Variants in ANAPC4 observed in about 807,000 individuals in gnomAD.
The protein encoded by ANAPC4 is anaphase-promoting complex subunit 4.
In ANAPC4, 63 loss-of-function variants were observed where a neutral mutation model predicts 119.8. The observed-to-expected ratio is 0.53, with a 90% CI of 0.43 to 0.65. The LOEUF (loss-of-function observed/expected upper bound fraction) is 0.65. Among genes scored for constraint, ANAPC4 ranks in the 30% least tolerant of loss-of-function variants. The pLI is 0.00. For missense variants in ANAPC4, 716 were observed against 945.1 expected (o/e 0.76, Z 3.18); for synonymous variants, 283 against 318.6 (o/e 0.89, Z 1.19).
Position 25,418,452 on chromosome 4 carries a change from AC to A in ANAPC4, c.*72del. Reference sequence around the variant, plus strand: ...TAGGAGATGGACTAAGATGTCTTGGACCACCTTTGTGTAACAAAGAAATAAA... The same window carrying A: ...TAGGAGATGGACTAAGATGTCTTGGACACCTTTGTGTAACAAAGAAATAAA... On this transcript the variant is annotated 3_prime_UTR_variant, in exon 29 of 29. Transcript: ENST00000315368. 7.6e-7 allele frequency: 1 copy of A among 1,308,738 alleles called. No individual in the cohort carries two copies. The highest frequency in any genetic ancestry group is 1.1e-6 in the Non-Finnish European group (1 of 928,624). The allele number at this position is 1,308,738 out of a possible 1,614,324, so 81.1% of individuals were successfully genotyped here.
At chr4:25,390,076 A>G (rs773877660) in intron 7 of ANAPC4, 60 bp from the exon 8 acceptor site, 33 of 1,182,650 alleles carry the variant, frequency 2.8e-5, no homozygotes, top group Non-Finnish European at 3.7e-5. Flanking sequence ...ATCTCGCTTT[A>G]ACAATGCAAT....
chr4:25,391,482 A>G (rs1199701957), intron 9 of ANAPC4, among the ~76,000 whole-genome samples: 1 of 152,214 alleles, frequency 6.6e-6, no homozygotes, highest in Non-Finnish European at 1.5e-5. Flanking sequence ...GCTTGATGTC[A>G]CAGGATGGGA....
At chr4:25,389,316 G>C (rs1049719302) in intron 7 of ANAPC4, among the ~76,000 whole-genome samples, 2 of 152,130 alleles carry the variant, frequency 1.3e-5, no homozygotes, top group African/African-American at 4.8e-5. Flanking sequence ...CCGCCACCAG[G>C]CCTGTCTAAT....
intron 4 of ANAPC4, among the ~76,000 whole-genome samples, chr4:25,387,466 C>T (rs1331607601): frequency 2.0e-5 from 3 of 152,108 alleles, no homozygotes; most frequent in Non-Finnish European, 4.4e-5. Flanking sequence ...ATAAATCCAT[C>T]ATCAGATAAT....
chr4:25,387,553 C>T (rs556433030), intron 4 of ANAPC4, among the ~76,000 whole-genome samples: 1 of 152,236 alleles, frequency 6.6e-6, no homozygotes, highest in South Asian at 2.1e-4. Context: ...TATTCCAGCC[C>T]GGTTATCTGC....
intron 16 of ANAPC4, 44 bp downstream of exon 16, chr4:25,396,943 C>A: frequency 2.0e-6 from 3 of 1,530,900 alleles, no homozygotes; most frequent in South Asian, 2.4e-5. Flanking sequence ...AAGAATATGT[C>A]ACTTTTGACC....
Position 25,407,243 on chromosome 4 carries a change from G to A in ANAPC4, c.1421G>A (p.Arg474Lys), listed in dbSNP as rs754761160. The A allele has an allele frequency of 1.9e-6, 3 of 1,608,244 alleles. No homozygotes were observed. The highest frequency in any genetic ancestry group is 4.5e-5 in the East Asian group (2 of 44,746). Residue 474 changes from arginine (R) to lysine (K), a missense_variant, in exon 20 of 29, where the codon AGA becomes AAA. Arg to Lys is a conservative substitution (Grantham distance 26, BLOSUM62 2). This residue lies in a region of ANAPC4 where 504 missense variants were observed against 615.8 expected (regional missense o/e 0.82). Transcript: ENST00000315368. The part of the protein sequence containing the change: ...NRKGKYFNVE[R>K]VGQYLKDEDD... Reference sequence around the variant, plus strand: ...AAAGGAAAATACTTTAACGTTGAAAGAGTTGGTCAGGTATGGGCTTTGAAC... The same window carrying A: ...AAAGGAAAATACTTTAACGTTGAAAAAGTTGGTCAGGTATGGGCTTTGAAC...
At chr4:25,392,191 C>G (rs998885693) in intron 9 of ANAPC4, 147 bp from the exon 10 acceptor site, 8 of 609,766 alleles carry the variant, frequency 1.3e-5, no homozygotes, top group Non-Finnish European at 1.8e-5. Context: ...GATCCTAAGG[C>G]TATGTGCTGT....
chr4:25,415,443 T>G (rs776656357), intron 25 of ANAPC4, 23 bp from the exon 26 acceptor site: 5 of 1,598,008 alleles, frequency 3.1e-6, no homozygotes, highest in Non-Finnish European at 3.4e-6. Flanking sequence ...AGAGTCTCTT[T>G]TTTTCCCCCT....
In ANAPC4 at chr4:25,396,274, C is replaced by G. The variant is rs568066738; in HGVS notation, c.1062-390C>G. ...GTTATACTGTCAATGCCATGAGACC[C>G]TTTGATTGTGTTCACCGTTATGTCC... On this transcript the variant is annotated intron_variant, in intron 14 of 28. Transcript: ENST00000315368. Among the ~76,000 whole-genome samples, 5 of 152,272 alleles carry G rather than the reference C, an allele frequency of 3.3e-5. No individual in the cohort carries two copies. In the East Asian group the frequency reaches 9.6e-4, roughly 29 times the overall value.
At chr4:25,406,436 A>T (rs952135646) in intron 18 of ANAPC4, among the ~76,000 whole-genome samples, 1 of 152,224 alleles carries the variant, frequency 6.6e-6, no homozygotes, top group African/African-American at 2.4e-5. Flanking sequence ...GCAGGAGCCT[A>T]CACTGAAGCA....
intron 20 of ANAPC4, among the ~76,000 whole-genome samples, chr4:25,408,238 A>T (rs982379078): frequency 6.6e-6 from 1 of 152,240 alleles, no homozygotes; most frequent in East Asian, 1.9e-4. Context: ...AAGTGATAGT[A>T]TCTTAAAGGT....
At chr4:25,414,239 G>A (rs532613200) in intron 22 of ANAPC4, 85 bp from the exon 23 acceptor site, 18 of 963,258 alleles carry the variant, frequency 1.9e-5, no homozygotes, top group Admixed American at 1.3e-4. Context: ...TACCACATTC[G>A]AACAGTGATG....
intron 4 of ANAPC4, among the ~76,000 whole-genome samples, chr4:25,387,303 CT>C (rs1417756406): frequency 6.6e-6 from 1 of 152,088 alleles, no homozygotes; most frequent in African/African-American, 2.4e-5. Flanking sequence ...TTACCATTAA[CT>C]TTTCCTTTCT....
intron 17 of ANAPC4, 128 bp downstream of exon 17, chr4:25,403,154 T>C: frequency 1.6e-6 from 1 of 631,808 alleles, no homozygotes; most frequent in Middle Eastern, 4.7e-4. Flanking sequence ...ATGATCCCTG[T>C]TGTACCTTTC....
intron 22 of ANAPC4, 188 bp downstream of exon 22, chr4:25,413,930 CGTGTGT>C (rs72141989): frequency 1.0e-4 from 53 of 511,346 alleles, no homozygotes; most frequent in African/African-American, 4.8e-4. Flanking sequence ...TTCTTACACA[CGTGTGT>C]GTGTGTGTGT....
chr4:25,394,434 T>G, intron 12 of ANAPC4, 60 bp downstream of exon 12: 1 of 1,417,080 alleles, frequency 7.1e-7, no homozygotes, highest in Non-Finnish European at 9.6e-7. Context: ...AATTATTTAT[T>G]TGAAAAGTAG....
intron 18 of ANAPC4, 72 bp from the exon 19 acceptor site, chr4:25,406,757 A>G: frequency 8.8e-7 from 1 of 1,142,730 alleles, no homozygotes; most frequent in South Asian, 1.4e-5. Flanking sequence ...CACATTTATA[A>G]TTATGTACCA....
rs372884819 is a variant in ANAPC4 at position 25,396,916 on chromosome 4, C to T, written c.1214+17C>T. On this transcript the variant is annotated intron_variant, in intron 16 of 28. Transcript: ENST00000315368. ...ACTTCTTCAGTAAGTATTGGGAGTACCTGGAATCACTGACCTAAGAATATG... is the reference window on the plus strand; with the variant it reads ...ACTTCTTCAGTAAGTATTGGGAGTATCTGGAATCACTGACCTAAGAATATG... The T allele has an allele frequency of 1.9e-6, 3 of 1,602,830 alleles. No individual in the cohort carries two copies. In the African/African-American group the frequency reaches 4.0e-5, roughly 22 times the overall value.
Sources: allele counts gnomAD v4.1 joint callset (sites outside exome capture counted in the v4.1 genomes callset), GRCh38; gene constraint gnomAD v4.1.1; regional missense constraint gnomAD v4.1.1; transcripts MANE v1.5; gene names NCBI Gene and HGNC (gene_info 2026-07-23, HGNC 2026-07-21).